SPOCK3: variants seen among roughly 807,000 people sequenced by gnomAD.
SPOCK3 encodes the protein SPARC (osteonectin), cwcv and kazal like domains proteoglycan 3.
A neutral mutation model predicts 56.6 loss-of-function variants in SPOCK3; 30 were observed. The ratio of observed to expected loss-of-function variants is 0.53; its 90% CI spans 0.40 to 0.72. The LOEUF is 0.72. SPOCK3 is among the 30% of genes least tolerant of loss of function. The pLI, the probability that SPOCK3 is intolerant of heterozygous loss-of-function variation, is 0.00. For synonymous variants in SPOCK3, 196 were observed against 183.3 expected (o/e 1.07, Z -0.56); for missense variants, 527 against 530.0 (o/e 0.99, Z 0.06).
chr4:166,928,459 A>T (rs1013399045), intron 4 of SPOCK3, among the ~76,000 whole-genome samples: 2 of 152,230 alleles, frequency 1.3e-5, no homozygotes, highest in Non-Finnish European at 2.9e-5. Context: ...GTAAGATTCT[A>T]ACTATAAGAA....
At chr4:166,980,482 G>C (rs565405517) in intron 4 of SPOCK3, among the ~76,000 whole-genome samples, 3 of 152,278 alleles carry the variant, frequency 2.0e-5, no homozygotes, top group Non-Finnish European at 4.4e-5. Flanking sequence ...CCCAAGTTTT[G>C]CTTGGGCCCA....
At chr4:167,186,662 C>A (rs1461961230) in intron 2 of SPOCK3, among the ~76,000 whole-genome samples, 1 of 151,302 alleles carries the variant, frequency 6.6e-6, no homozygotes, top group Non-Finnish European at 1.5e-5. Context: ...ACAAAAAAAA[C>A]AGAAAACAAA....
chr4:166,944,637 G>A (rs1741505449), intron 4 of SPOCK3, among the ~76,000 whole-genome samples: 1 of 151,988 alleles, frequency 6.6e-6, no homozygotes, highest in Non-Finnish European at 1.5e-5. Context: ...TTTATCTGAT[G>A]TTCCTTAAAG....
At chr4:167,160,402 A>G (rs559648448) in intron 2 of SPOCK3, among the ~76,000 whole-genome samples, 1 of 152,304 alleles carries the variant, frequency 6.6e-6, no homozygotes, top group East Asian at 1.9e-4. Context: ...GGATACAAAC[A>G]AATGGAAGAA....
At chr4:166,953,217 T>G (rs1048445908) in intron 4 of SPOCK3, among the ~76,000 whole-genome samples, 2 of 151,026 alleles carry the variant, frequency 1.3e-5, no homozygotes, top group Non-Finnish European at 3.0e-5. Flanking sequence ...GAATCTACAA[T>G]GAACTCAAAC....
intron 6 of SPOCK3, among the ~76,000 whole-genome samples, chr4:166,857,860 G>A (rs1730850782): frequency 6.6e-6 from 1 of 152,104 alleles, no homozygotes; most frequent in Non-Finnish European, 1.5e-5. Context: ...AAAAAGCAGT[G>A]ATCTATATTA....
intron 6 of SPOCK3, among the ~76,000 whole-genome samples, chr4:166,802,721 AG>A (rs1367707266): frequency 1.3e-5 from 2 of 152,136 alleles, no homozygotes; most frequent in Admixed American, 1.3e-4. Flanking sequence ...CTGGAAGGTT[AG>A]CCTGGTAAAT....
chr4:167,069,572 C>T (rs556403731), intron 2 of SPOCK3, among the ~76,000 whole-genome samples: 7 of 151,828 alleles, frequency 4.6e-5, no homozygotes, highest in African/African-American at 1.7e-4. Context: ...GGTCTCCAGG[C>T]CATACAATTA....
chr4:167,162,284 A>C (rs13137059), intron 2 of SPOCK3, among the ~76,000 whole-genome samples: 5,734 of 152,148 alleles, frequency 0.038, 146 homozygotes, highest in Middle Eastern at 0.075. Context: ...TACTTTGGTT[A>C]ATCTGCCTTT....
intron 8 of SPOCK3, among the ~76,000 whole-genome samples, chr4:166,748,953 GTTAGAA>G (rs1458246389): frequency 7.3e-6 from 1 of 137,446 alleles, no homozygotes; most frequent in Non-Finnish European, 1.5e-5. Context: ...TCTCACACCA[GTTAGAA>G]TGGTGATCAT....
At chr4:166,957,119 G>A (rs866280628) in intron 4 of SPOCK3, among the ~76,000 whole-genome samples, 24 of 152,270 alleles carry the variant, frequency 1.6e-4, no homozygotes, top group East Asian at 9.7e-4. Flanking sequence ...GCTAGGCAAG[G>A]TGGCAGGTGC....
intron 3 of SPOCK3, among the ~76,000 whole-genome samples, chr4:167,041,184 C>T (rs1248746927): frequency 6.6e-6 from 1 of 152,154 alleles, no homozygotes; most frequent in Non-Finnish European, 1.5e-5. Context: ...ATATCACTGT[C>T]TCTCCTCTTT....
intron 2 of SPOCK3, among the ~76,000 whole-genome samples, chr4:167,224,763 G>T (rs546639162): frequency 3.2e-4 from 48 of 152,106 alleles, no homozygotes; most frequent in Non-Finnish European, 6.2e-4. Context: ...TGGTTCAAGC[G>T]ATTCTCTTGC....
At chr4:166,794,418 T>C (rs1239126729) in intron 6 of SPOCK3, among the ~76,000 whole-genome samples, 2 of 151,988 alleles carry the variant, frequency 1.3e-5, no homozygotes, top group Non-Finnish European at 2.9e-5. Context: ...GAAGGATTTA[T>C]ATAAAGAAGT....
At chr4:166,893,995 G>T (rs1735073213) in intron 5 of SPOCK3, among the ~76,000 whole-genome samples, 1 of 152,016 alleles carries the variant, frequency 6.6e-6, no homozygotes, top group Admixed American at 6.6e-5. Context: ...AAATCCATTT[G>T]TTCATTCAAT....
At chr4:167,076,973 A>T (rs527404015) in intron 2 of SPOCK3, among the ~76,000 whole-genome samples, 2 of 151,910 alleles carry the variant, frequency 1.3e-5, no homozygotes, top group Non-Finnish European at 2.9e-5. Flanking sequence ...ATTAAAATGA[A>T]TATCTGGCAA....
Position 166,824,217 on chromosome 4 carries a change from A to G in SPOCK3, c.590-31928T>C, listed in dbSNP as rs545305092. On this transcript the variant is annotated intron_variant, in intron 6 of 10. Coordinates refer to ENST00000357545, the MANE Select transcript of SPOCK3 (RefSeq NM_001040159.2). ...TACCCAATAAAGCTTGTTTGTTACT[A>G]ACTCTAGTGACCACATCTTTTTCCT... Among the ~76,000 whole-genome samples the G allele has an allele frequency of 1.4e-4, 21 of 152,172 alleles. 1 individual carries two copies. In the East Asian group the frequency reaches 2.1e-3, roughly 15 times the overall value.
chr4:167,019,969 G>C (rs1195839325), intron 3 of SPOCK3, among the ~76,000 whole-genome samples: 1 of 152,084 alleles, frequency 6.6e-6, no homozygotes, highest in Non-Finnish European at 1.5e-5. Flanking sequence ...AAGCTGCATT[G>C]GCATGGGTTG....
chr4:167,129,359 G>GC (rs949840005), intron 2 of SPOCK3, among the ~76,000 whole-genome samples: 2 of 152,172 alleles, frequency 1.3e-5, no homozygotes, highest in African/African-American at 4.8e-5. Context: ...ACTAAAAACA[G>GC]CCCTGGGGAA....
Sources: gnomAD v4.1 joint callset for allele counts (sites outside exome capture counted in the v4.1 genomes callset) on GRCh38, gnomAD v4.1.1 for gene constraint, MANE v1.5 for transcripts, NCBI Gene and HGNC (gene_info 2026-07-23, HGNC 2026-07-21) for gene names.